PRKN: variants seen among roughly 807,000 people sequenced by gnomAD.
PRKN encodes the protein E3 ubiquitin-protein ligase parkin.
In PRKN, 56 loss-of-function variants were observed where a neutral mutation model predicts 59.5. The ratio of observed to expected loss-of-function variants is 0.94; its 90% confidence interval spans 0.76 to 1.18. PRKN has a LOEUF of 1.18. PRKN is among the 50% of genes most tolerant of loss of function. PRKN has a pLI of 0.00. For synonymous variants in PRKN, 250 were observed against 222.1 expected (o/e 1.13, Z -1.12); for missense variants, 657 against 596.4 (o/e 1.10, Z -1.06).
At chr6:161,823,661 A>T (rs9346883) in intron 6 of PRKN, among the ~76,000 whole-genome samples, 134,646 of 152,244 alleles carry the variant, frequency 0.88, 59,900 homozygotes, top group Middle Eastern at 0.94. Context: ...TGTTAGGGTA[A>T]CCCATTAAAG....
chr6:161,857,153 C>T (rs1481993918), intron 6 of PRKN, among the ~76,000 whole-genome samples: 1 of 152,094 alleles, frequency 6.6e-6, no homozygotes, highest in Non-Finnish European at 1.5e-5. Flanking sequence ...CGCTTGAGCC[C>T]GGGAGGCAGA....
chr6:162,724,793 C>G (rs924806742), intron 1 of PRKN, among the ~76,000 whole-genome samples: 3 of 152,132 alleles, frequency 2.0e-5, no homozygotes, highest in Non-Finnish European at 4.4e-5. Context: ...GACTCTTGTT[C>G]TCTGTAACTA....
chr6:162,205,448 CTT>C (rs747219794), intron 3 of PRKN, among the ~76,000 whole-genome samples: 11 of 151,140 alleles, frequency 7.3e-5, no homozygotes, highest in Non-Finnish European at 1.5e-4. Flanking sequence ...CTAATGGAAA[CTT>C]TTCATTAACC....
At chr6:162,159,764 T>A (rs1782677618) in intron 4 of PRKN, among the ~76,000 whole-genome samples, 1 of 152,178 alleles carries the variant, frequency 6.6e-6, no homozygotes, top group Admixed American at 6.5e-5. Flanking sequence ...GAGGAAGAGA[T>A]CAATGGAACA....
rs144291136 is a variant in PRKN, at chr6:161,398,233, G to A, written c.1084-11356C>T. On this transcript the variant is annotated intron_variant, in intron 9 of 11. Transcript: ENST00000366898. ...AATCTTCTGGAGTCTAGGGGGAGAGGAGAGTCACAGATAGAGAGGAGGCTG... is the reference window on the plus strand; with the variant it reads ...AATCTTCTGGAGTCTAGGGGGAGAGAAGAGTCACAGATAGAGAGGAGGCTG... 2.6e-5 allele frequency among the ~76,000 whole-genome samples: 4 copies of A among 152,230 alleles called. No individual in the cohort carries two copies. In the East Asian group the frequency reaches 7.7e-4, roughly 29 times the overall value.
At chr6:162,480,148 T>C (rs1252961196) in intron 1 of PRKN, among the ~76,000 whole-genome samples, 1 of 152,178 alleles carries the variant, frequency 6.6e-6, no homozygotes, top group Non-Finnish European at 1.5e-5. Context: ...AATCACGTAC[T>C]ATACATAATT....
intron 4 of PRKN, among the ~76,000 whole-genome samples, chr6:162,185,282 A>C (rs1391988768): frequency 1.3e-5 from 2 of 152,170 alleles, no homozygotes; most frequent in Non-Finnish European, 2.9e-5. Flanking sequence ...AGGTAAACTT[A>C]CTTTTTCCCC....
At chr6:162,487,335 A>G (rs1442320689) in intron 1 of PRKN, among the ~76,000 whole-genome samples, 1 of 152,070 alleles carries the variant, frequency 6.6e-6, no homozygotes, top group Non-Finnish European at 1.5e-5. Flanking sequence ...AGAGATAGAA[A>G]CACCAATTCT....
chr6:161,826,643 TGG>T (rs1158176423), intron 6 of PRKN, among the ~76,000 whole-genome samples: 1 of 152,208 alleles, frequency 6.6e-6, no homozygotes, highest in Non-Finnish European at 1.5e-5. Flanking sequence ...TCTAGACAGA[TGG>T]CCACAATACA....
chr6:162,404,196 C>G (rs989899821), intron 2 of PRKN, among the ~76,000 whole-genome samples: 1 of 151,624 alleles, frequency 6.6e-6, no homozygotes. Flanking sequence ...CTGGTGAAAC[C>G]CCCATCTCTA....
intron 3 of PRKN, among the ~76,000 whole-genome samples, chr6:162,262,159 G>C (rs1056843147): frequency 6.6e-6 from 1 of 152,168 alleles, no homozygotes; most frequent in Non-Finnish European, 1.5e-5. Context: ...GTAGCATAGA[G>C]AGAAGGAAGA....
chr6:161,356,997 C>A lies in PRKN; in HGVS notation c.1285+3091G>T, dbSNP rs1346323110. Among the ~76,000 whole-genome samples the A allele has an allele frequency of 1.3e-5, 2 of 151,594 alleles. No homozygotes were observed. Among genetic ancestry groups the A allele is most frequent in the Non-Finnish European group, 2.9e-5 (2 of 67,982 alleles). On this transcript the variant is annotated intron_variant, in intron 11 of 11. Coordinates refer to ENST00000366898, the MANE Select transcript of PRKN (RefSeq NM_004562.3). This position sits in a 1 kb window ranked among gnomAD's most constrained non-coding sequence, Gnocchi z 7.8. ...CGACAGTAAGTGCTGAACCAAACAACCACGGAGGAGAGAAACAGAAAGCAA... is the reference window on the plus strand; with the variant it reads ...CGACAGTAAGTGCTGAACCAAACAAACACGGAGGAGAGAAACAGAAAGCAA...
At chr6:162,238,928 C>G (rs897563130) in intron 3 of PRKN, among the ~76,000 whole-genome samples, 5 of 152,136 alleles carry the variant, frequency 3.3e-5, no homozygotes, top group African/African-American at 1.2e-4. Flanking sequence ...GGCTGTGCAC[C>G]AGTGACAGAA....
intron 7 of PRKN, among the ~76,000 whole-genome samples, chr6:161,765,954 G>A (rs1199542511): frequency 6.6e-6 from 1 of 152,086 alleles, no homozygotes; most frequent in African/African-American, 2.4e-5. Flanking sequence ...AAGGCAAAGT[G>A]TCCCAAATAC....
intron 9 of PRKN, among the ~76,000 whole-genome samples, chr6:161,455,775 A>C (rs1307766776): frequency 6.6e-6 from 1 of 151,264 alleles, no homozygotes; most frequent in Non-Finnish European, 1.5e-5. Flanking sequence ...AGGCAAGGGA[A>C]TCTCTCGAAC....
intron 1 of PRKN, among the ~76,000 whole-genome samples, chr6:162,475,279 G>A (rs1791947143): frequency 6.6e-6 from 1 of 152,112 alleles, no homozygotes; most frequent in South Asian, 2.1e-4. Flanking sequence ...ATTTATTGAG[G>A]GCTTATTGGG....
At chr6:162,599,290 C>T (rs932824661) in intron 1 of PRKN, among the ~76,000 whole-genome samples, 1 of 152,066 alleles carries the variant, frequency 6.6e-6, no homozygotes, top group Non-Finnish European at 1.5e-5. Context: ...ATTGGCTAGT[C>T]CCGGCAACCA....
In PRKN at chr6:161,443,046, G is replaced by A. The variant is rs574578821; in HGVS notation, c.1084-56169C>T. Reference sequence around the variant, plus strand: ...AGCGAGGCCGGGCGCGGTGGCTCATGCTTGTAATACCAGCACTTTGGGAGG... The same window carrying A: ...AGCGAGGCCGGGCGCGGTGGCTCATACTTGTAATACCAGCACTTTGGGAGG... On this transcript the variant is annotated intron_variant, in intron 9 of 11. Coordinates refer to ENST00000366898, the MANE Select transcript of PRKN (RefSeq NM_004562.3). Among the ~76,000 whole-genome samples, 4 of 152,260 alleles carry A rather than the reference G, an allele frequency of 2.6e-5. No homozygotes were observed. The East Asian group carries it at 7.7e-4, about 29-fold the overall frequency.
intron 2 of PRKN, among the ~76,000 whole-genome samples, chr6:162,312,621 A>G (rs922992436): frequency 5.3e-5 from 8 of 152,184 alleles, no homozygotes; most frequent in Non-Finnish European, 1.2e-4. Flanking sequence ...CACCTCTAAC[A>G]TTCCCAGACA....
Sources: allele counts gnomAD v4.1 joint callset (sites outside exome capture counted in the v4.1 genomes callset), GRCh38; gene constraint gnomAD v4.1.1; non-coding constraint Gnocchi (gnomAD v3.1); transcripts MANE v1.5; gene names NCBI Gene and HGNC (gene_info 2026-07-23, HGNC 2026-07-21).